SRPX: variants seen among roughly 807,000 people sequenced by gnomAD.
SRPX encodes sushi repeat-containing protein SRPX.
In SRPX, 24 loss-of-function variants were observed where a neutral mutation model predicts 38.1. The ratio of observed to expected loss-of-function variants is 0.63; its 90% CI spans 0.46 to 0.89. The LOEUF is 0.89. Ranked by LOEUF, SRPX falls within the 40% of genes least tolerant of loss-of-function variation. The pLI, the probability that SRPX is intolerant of heterozygous loss-of-function variation, is 0.00. For missense variants in SRPX, 416 were observed against 377.8 expected (o/e 1.10, Z -0.84); for synonymous variants, 184 against 153.8 (o/e 1.20, Z -1.45).
At chrX:38,216,363 T>A (rs1364466325) in intron 1 of SRPX, among the ~76,000 whole-genome samples, 1 of 113,195 alleles carries the variant, frequency 8.8e-6, no homozygotes, top group Non-Finnish European at 1.9e-5. Context: ...CCCAAGCACA[T>A]AAATGCTTCA....
At chrX:38,185,376 C>T (rs1422924357) in intron 1 of SRPX, among the ~76,000 whole-genome samples, 1 of 111,620 alleles carries the variant, frequency 9.0e-6, no homozygotes, top group African/African-American at 3.3e-5. Context: ...TTTGTGGGAG[C>T]CAGATGATTT....
chrX:38,150,010 G>T, intron 9 of SRPX, 116 bp from the exon 10 acceptor site: 1 of 616,123 alleles, frequency 1.6e-6, no homozygotes, highest in Non-Finnish European at 2.4e-6. Flanking sequence ...TACAATGAAG[G>T]ACTGAATCAT....
intron 1 of SRPX, among the ~76,000 whole-genome samples, chrX:38,214,792 C>G (rs924738645): frequency 1.8e-5 from 2 of 111,629 alleles, no homozygotes; most frequent in Non-Finnish European, 3.8e-5. Context: ...AATGGGCCTG[C>G]CAAACCTTGG....
chrX:38,159,683 C>T (rs1163303889), intron 7 of SRPX, among the ~76,000 whole-genome samples: 1 of 112,785 alleles, frequency 8.9e-6, no homozygotes, highest in Non-Finnish European at 1.9e-5. Context: ...TGGCAATTTA[C>T]TAGCTTTATA....
intron 5 of SRPX, among the ~76,000 whole-genome samples, chrX:38,164,065 C>T (rs140179982): frequency 0.018 from 2,006 of 111,495 alleles, 52 homozygotes; most frequent in African/African-American, 0.062. Flanking sequence ...TTCTCACCAC[C>T]CCTTCTTTTA....
intron 4 of SRPX, 85 bp downstream of exon 4, chrX:38,171,796 T>A: frequency 1.0e-6 from 1 of 999,297 alleles, no homozygotes; most frequent in Admixed American, 2.4e-5. Flanking sequence ...GGAGGAATAG[T>A]GATGCTCCCT....
rs73469660 is a variant in SRPX at position 38,168,418 on chromosome X, C to T, written c.526+3463G>A. On this transcript the variant is annotated intron_variant, in intron 4 of 9. Coordinates refer to ENST00000378533, the MANE Select transcript of SRPX (RefSeq NM_006307.5). ...TGAGGTACCAGACCTGTGAGTGAAG[C>T]CATCTTGAATCCTCCAGCTCCACTT... Among the ~76,000 whole-genome samples the T allele has an allele frequency of 4.3e-3, 481 of 111,765 alleles. 5 individuals carry two copies. Among genetic ancestry groups the T allele is most frequent in the African/African-American group, 0.015 (457 of 30,751 alleles).
chrX:38,183,773 A>G (rs1209411386), intron 1 of SRPX, among the ~76,000 whole-genome samples: 1 of 111,861 alleles, frequency 8.9e-6, no homozygotes, highest in East Asian at 2.8e-4. Context: ...TCAGATTACC[A>G]CTCTGGAAAG....
intron 1 of SRPX, among the ~76,000 whole-genome samples, chrX:38,197,130 A>G (rs1158414167): frequency 1.8e-5 from 2 of 112,405 alleles, no homozygotes; most frequent in Non-Finnish European, 3.8e-5. Context: ...TGATGAAACC[A>G]TAGGCCATAG....
chrX:38,149,871 T>G lies in SRPX; in HGVS notation c.1235A>C (p.Tyr412Ser), dbSNP rs746205723. 8.3e-7 allele frequency: 1 copy of G among 1,204,254 alleles called. No individual in the cohort carries two copies. The highest frequency in any genetic ancestry group is 2.2e-5 in the Admixed American group (1 of 45,005). ...ATCCACTAGCACCATACTGAAGGAG[T>G]AGAGTGGGATTCGCAGCAACAGCCT... The part of the protein sequence containing the change: ...QLRLLLRIPL[Y>S]SFSMVLVDKH... Residue 412 changes from tyrosine (Y) to serine (S), a missense_variant, in exon 10 of 10, where the codon TAC becomes TCC. By Grantham distance (144) the Tyr-to-Ser change is moderately radical. Transcript: ENST00000378533.
At chrX:38,181,462 G>A (rs2147102254) in intron 1 of SRPX, among the ~76,000 whole-genome samples, 1 of 112,260 alleles carries the variant, frequency 8.9e-6, no homozygotes, top group South Asian at 3.7e-4. Flanking sequence ...TGTGCATGCA[G>A]AAAATAGGCT....
rs142901707 is a variant in SRPX, at chrX:38,168,021, C to T, written c.527-3126G>A. ...CGAACTCCTGGGCTCAAGAAATCTG[C>T]CTGTCTTAGCCTCCCAAAGTGCTGG... On this transcript the variant is annotated intron_variant, in intron 4 of 9. Transcript: ENST00000378533. Among the ~76,000 whole-genome samples the T allele has an allele frequency of 4.6e-4, 52 of 111,990 alleles. 1 individual carries two copies. The East Asian group carries it at 0.015, about 31-fold the overall frequency.
intron 1 of SRPX, among the ~76,000 whole-genome samples, chrX:38,219,151 T>G (rs899713328): frequency 2.7e-5 from 3 of 110,149 alleles, no homozygotes; most frequent in African/African-American, 6.6e-5. Context: ...AGCTGTACTA[T>G]ATAAAGGTGG....
intron 1 of SRPX, among the ~76,000 whole-genome samples, chrX:38,217,569 T>C (rs1939440443): frequency 8.9e-6 from 1 of 112,031 alleles, no homozygotes; most frequent in South Asian, 3.8e-4. Flanking sequence ...AACTTTTTAC[T>C]TGAGTGAGAA....
At position 38,213,319 on chromosome X, in the gene SRPX, T is replaced by C. The variant is rs906232194; in HGVS notation, c.97+7377A>G. ...CAACTCTGTGAATATTCTAAGACCA[T>C]TGAATTGTACAGTTTAAATGAATGA... On this transcript the variant is annotated intron_variant, in intron 1 of 9. Transcript: ENST00000378533. Among the ~76,000 whole-genome samples the C allele has an allele frequency of 3.6e-5, 4 of 112,240 alleles. No individual in the cohort carries two copies. The East Asian group carries it at 8.4e-4, about 24-fold the overall frequency.
chrX:38,172,704 A>G (rs142767011), intron 3 of SRPX, among the ~76,000 whole-genome samples: 596 of 112,686 alleles, frequency 5.3e-3, no homozygotes, highest in Non-Finnish European at 9.3e-3. Context: ...GCAAGATGAG[A>G]TCTCAGGCAA....
At chrX:38,218,211 C>T (rs1939450481) in intron 1 of SRPX, among the ~76,000 whole-genome samples, 1 of 112,463 alleles carries the variant, frequency 8.9e-6, no homozygotes, top group Admixed American at 9.4e-5. Flanking sequence ...CGAAGCCTTT[C>T]TTAGAGGCCA....
chrX:38,220,567 C>T (rs925094583), intron 1 of SRPX, 129 bp downstream of exon 1: 16 of 1,018,440 alleles, frequency 1.6e-5, no homozygotes, highest in Non-Finnish European at 2.0e-5. Context: ...CCTCGGGCTG[C>T]GAAAGAGGAG....
rs775367420 is a variant in SRPX at position 38,171,664 on chromosome X, A to C, written c.526+217T>G. ...CAATAGCAAACCAAGAAAAAGACAAAAGTCAGATGGAAGCCATCAGCTACG... is the reference window on the plus strand; with the variant it reads ...CAATAGCAAACCAAGAAAAAGACAACAGTCAGATGGAAGCCATCAGCTACG... On this transcript the variant is annotated intron_variant, in intron 4 of 9. Coordinates refer to ENST00000378533, the MANE Select transcript of SRPX (RefSeq NM_006307.5). 2.7e-5 allele frequency among the ~76,000 whole-genome samples: 3 copies of C among 111,985 alleles called. No homozygotes were observed. The East Asian group carries it at 8.4e-4, about 32-fold the overall frequency.
Sources: allele counts gnomAD v4.1 joint callset (sites outside exome capture counted in the v4.1 genomes callset), GRCh38; gene constraint gnomAD v4.1.1; transcripts MANE v1.5; gene names NCBI Gene and HGNC (gene_info 2026-07-23, HGNC 2026-07-21).